The following CNN3 variants were observed in gnomAD, a reference collection of about 807,000 sequenced individuals.
The protein encoded by CNN3 is calponin-3.
A neutral mutation model predicts 39.0 loss-of-function variants in CNN3; 11 were observed. That is an observed-to-expected ratio of 0.28 (90% CI 0.18 to 0.47). The LOEUF is 0.47. Among genes scored for constraint, CNN3 ranks in the 20% least tolerant of loss-of-function variants. The pLI is 0.99. For missense variants in CNN3, 266 were observed against 403.4 expected, an observed-to-expected ratio of 0.66 and a Z score of 2.92; for synonymous variants, 101 against 138.3, an observed-to-expected ratio of 0.73 and a Z score of 1.89.
chr1:94,914,143 T>C (rs763116084), intron 1 of CNN3, among the ~76,000 whole-genome samples: 2 of 152,190 alleles, frequency 1.3e-5, no homozygotes, highest in Non-Finnish European at 2.9e-5. Flanking sequence ...ACTCTCCAGA[T>C]TGTCAAGCAC....
chr1:94,917,402 C>T (rs1671313461), intron 1 of CNN3, among the ~76,000 whole-genome samples: 1 of 152,184 alleles, frequency 6.6e-6, no homozygotes, highest in Non-Finnish European at 1.5e-5. Flanking sequence ...TCCCAGCCCA[C>T]TGTCAATTCC....
At chr1:94,925,939 T>C (rs1393588729) in intron 1 of CNN3, 36 of 495,726 alleles carry the variant, frequency 7.3e-5, no homozygotes, top group Non-Finnish European at 9.4e-5. Flanking sequence ...AGGAGAGGAT[T>C]TGGGGAGGGG....
intron 3 of CNN3, 29 bp downstream of exon 3, chr1:94,903,093 G>C (rs775221439): frequency 1.6e-5 from 23 of 1,478,018 alleles, no homozygotes; most frequent in Non-Finnish European, 2.0e-5. Flanking sequence ...CAACCAACTA[G>C]AACCAGAGGT....
At chr1:94,919,060 A>AG (rs975594250) in intron 1 of CNN3, among the ~76,000 whole-genome samples, 11 of 152,256 alleles carry the variant, frequency 7.2e-5, no homozygotes, top group Admixed American at 2.0e-4. Flanking sequence ...AAGAAAAAGA[A>AG]GGGGGGGAAG....
intron 6 of CNN3, among the ~76,000 whole-genome samples, chr1:94,898,340 C>G (rs1016023631): frequency 3.3e-5 from 5 of 152,142 alleles, no homozygotes; most frequent in African/African-American, 1.2e-4. Flanking sequence ...TGGCCTCAAA[C>G]ACGTAAATTT....
Position 94,918,824 on chromosome 1 carries a change from G to A in CNN3, c.57+8014C>T, listed in dbSNP as rs560774965. On this transcript the variant is annotated intron_variant, in intron 1 of 6. Transcript: ENST00000370206. ...TGTGAGAATTGCTTGAACCCAGGAG[G>A]TAGAGTTGCAGTGAGCCAAGATCGT... 5.3e-5 allele frequency among the ~76,000 whole-genome samples: 8 copies of A among 151,464 alleles called. No individual in the cohort carries two copies. The South Asian group carries it at 1.0e-3, about 20-fold the overall frequency.
intron 1 of CNN3, among the ~76,000 whole-genome samples, chr1:94,904,176 C>T (rs1374444303): frequency 6.6e-6 from 1 of 152,066 alleles, no homozygotes; most frequent in Non-Finnish European, 1.5e-5. Context: ...GAACCTGACA[C>T]CCAAACATGT....
intron 6 of CNN3, among the ~76,000 whole-genome samples, chr1:94,898,893 T>A (rs1048360644): frequency 6.6e-6 from 1 of 152,196 alleles, no homozygotes; most frequent in Admixed American, 6.5e-5. Context: ...GTGCTGGTGA[T>A]CTATTTTTAA....
intron 1 of CNN3, among the ~76,000 whole-genome samples, chr1:94,917,136 A>C: frequency 6.6e-6 from 1 of 152,142 alleles, no homozygotes; most frequent in South Asian, 2.1e-4. Flanking sequence ...TCCCAGGTTC[A>C]AGTGATTCTC....
intron 5 of CNN3, among the ~76,000 whole-genome samples, chr1:94,899,845 A>G (rs1351733382): frequency 6.6e-6 from 1 of 152,254 alleles, no homozygotes; most frequent in Non-Finnish European, 1.5e-5. Context: ...AAGAGGTACC[A>G]GCTTCGGTTA....
rs1024641327 is a variant in CNN3 at position 94,899,409 on chromosome 1, T to C, written c.610A>G (p.Ile204Val). The C allele has an allele frequency of 1.2e-6, 2 of 1,613,974 alleles. No individual in the cohort carries two copies. Among genetic ancestry groups the C allele is most frequent in the Non-Finnish European group, 8.5e-7 (1 of 1,179,972 alleles). ...TTATTAGTGCCCATCTGCAGACTAA[T>C]TGTGGTCTGGTCAAAAGGTTTGTCA... Reference protein sequence around the residue: ...QTDKPFDQTTISLQMGTNKGA... With the variant: ...QTDKPFDQTTVSLQMGTNKGA... The change falls in exon 6 of 7, where the codon ATT becomes GTT. Residue 204 changes from isoleucine to valine, a missense_variant. Physicochemically the swap from Ile to Val is conservative, Grantham distance 29. Coordinates refer to ENST00000370206, the MANE Select transcript of CNN3 (RefSeq NM_001839.5).
intron 1 of CNN3, among the ~76,000 whole-genome samples, chr1:94,920,056 T>C (rs1028239140): frequency 1.3e-5 from 2 of 152,198 alleles, no homozygotes; most frequent in Admixed American, 6.5e-5. Flanking sequence ...ATACAAGCCC[T>C]ATCTGAAACC....
rs541103308 is a variant in CNN3, at chr1:94,925,319, G to T, written c.57+1519C>A. ...ACATTTTGGACATGCCCATTCCTCT[G>T]AAGTTTCCTAAAGTTCGGTTTGTAA... On this transcript the variant is annotated intron_variant, in intron 1 of 6. Coordinates refer to ENST00000370206, the MANE Select transcript of CNN3 (RefSeq NM_001839.5). 4.3e-4 allele frequency among the ~76,000 whole-genome samples: 66 copies of T among 152,300 alleles called. No individual in the cohort carries two copies. The South Asian group carries it at 7.0e-3, about 16-fold the overall frequency.
chr1:94,910,547 G>C lies in CNN3; in HGVS notation c.58-7023C>G, dbSNP rs573283648. Reference sequence around the variant, plus strand: ...TATCTCATGCAAGGACAATGAACAGGTTTCAACATTTTCATCTACCCTGTC... The same window carrying C: ...TATCTCATGCAAGGACAATGAACAGCTTTCAACATTTTCATCTACCCTGTC... On this transcript the variant is annotated intron_variant, in intron 1 of 6. Coordinates refer to ENST00000370206, the MANE Select transcript of CNN3 (RefSeq NM_001839.5). Among the ~76,000 whole-genome samples, 8 of 152,154 alleles carry C rather than the reference G, an allele frequency of 5.3e-5. No individual in the cohort carries two copies. The South Asian group carries it at 1.7e-3, about 32-fold the overall frequency.
At chr1:94,915,941 C>T (rs1309889536) in intron 1 of CNN3, among the ~76,000 whole-genome samples, 2 of 152,170 alleles carry the variant, frequency 1.3e-5, no homozygotes, top group Non-Finnish European at 2.9e-5. Flanking sequence ...AGCTGGGCCC[C>T]TTCTCTTCCC....
chr1:94,920,273 G>C (rs1252836974), intron 1 of CNN3, among the ~76,000 whole-genome samples: 1 of 152,152 alleles, frequency 6.6e-6, no homozygotes, highest in Non-Finnish European at 1.5e-5. Context: ...TCCTGGATAA[G>C]GACTCTGGGG....
intron 1 of CNN3, among the ~76,000 whole-genome samples, chr1:94,906,335 G>T (rs891406590): frequency 2.0e-5 from 3 of 152,116 alleles, no homozygotes; most frequent in African/African-American, 7.2e-5. Context: ...CTTGTTCTGG[G>T]TGCCTAGAAA....
chr1:94,900,366 C>A (rs1399792999), intron 5 of CNN3, among the ~76,000 whole-genome samples: 2 of 152,162 alleles, frequency 1.3e-5, no homozygotes, highest in African/African-American at 4.8e-5. Context: ...AGCTTTTTAA[C>A]CTATGTGTCT....
Position 94,926,954 on chromosome 1 carries a change from C to A in CNN3, c.-60G>T. ...GTCCGGGGTCTCTCGCACTTCGCTT[C>A]CCCGCTCCTGGCCCCGAGGAGTGGC... On this transcript the variant is annotated 5_prime_UTR_variant, in exon 1 of 7. Coordinates refer to ENST00000370206, the MANE Select transcript of CNN3 (RefSeq NM_001839.5). The surrounding 1 kb of genome is among the most constrained non-coding windows in gnomAD (Gnocchi z 4.2). 6.4e-7 allele frequency: 1 copy of A among 1,566,310 alleles called. No individual in the cohort carries two copies. The highest frequency in any genetic ancestry group is 8.7e-7 in the Non-Finnish European group (1 of 1,146,862).
Sources: allele counts gnomAD v4.1 joint callset (sites outside exome capture counted in the v4.1 genomes callset), GRCh38; gene constraint gnomAD v4.1.1; non-coding constraint Gnocchi (gnomAD v3.1); transcripts MANE v1.5; gene names NCBI Gene and HGNC (gene_info 2026-07-23, HGNC 2026-07-21).